IFNGR1: variants seen among roughly 807,000 people sequenced by gnomAD.
IFNGR1 encodes the protein AVP, type 2.
In IFNGR1, 23 loss-of-function variants were observed where a neutral mutation model predicts 35.4. The observed-to-expected ratio is 0.65, with a 90% confidence interval of 0.47 to 0.92. The LOEUF is 0.92. IFNGR1 is among the 40% of genes least tolerant of loss of function. IFNGR1 has a pLI of 0.00. For synonymous variants in IFNGR1, 199 were observed against 209.5 expected, an observed-to-expected ratio of 0.95 and a Z score of 0.43; for missense variants, 533 against 583.4, an observed-to-expected ratio of 0.91 and a Z score of 0.89.
chr6:137,206,078 G>A (rs957890107), intron 3 of IFNGR1, 58 bp downstream of exon 3: 7 of 1,352,002 alleles, frequency 5.2e-6, no homozygotes, highest in Non-Finnish European at 6.4e-6. Context: ...CAAACATACA[G>A]AAGACATGTA....
intron 1 of IFNGR1, among the ~76,000 whole-genome samples, chr6:137,209,499 G>A (rs1438411023): frequency 6.6e-6 from 1 of 152,088 alleles, no homozygotes; most frequent in Non-Finnish European, 1.5e-5. Context: ...TGCTAGTCTC[G>A]TGATAGTGAG....
chr6:137,206,010 A>G (rs1779419312), intron 3 of IFNGR1, 126 bp downstream of exon 3: 1 of 809,798 alleles, frequency 1.2e-6, no homozygotes. Context: ...TACTGACTCT[A>G]AATTCCTCCA....
Position 137,203,573 on chromosome 6 carries a change from A to C in IFNGR1, c.659T>G (p.Val220Gly), listed in dbSNP as rs1321751061. The change falls in exon 5 of 7, where the codon GTC becomes GGC. Residue 220 changes from valine (V) to glycine (G), a missense_variant. Physicochemically the swap from Val to Gly is moderately radical, Grantham distance 109 (BLOSUM62 -3). Coordinates refer to ENST00000367739, the MANE Select transcript of IFNGR1 (RefSeq NM_000416.3). The part of the protein sequence containing the change: ...NSQYCVSAEG[V>G]LHVWGVTTEK... ...AGTTGTAACACCCCACACATGTAAG[A>C]CTCCTTCTGCTGAAACACAGTACTG... The C allele has an allele frequency of 6.2e-6, 10 of 1,613,364 alleles. No individual in the cohort carries two copies. In the East Asian group the frequency reaches 2.2e-4, roughly 36 times the overall value.
chr6:137,219,203 C>T (rs1383566781), intron 1 of IFNGR1, 40 bp downstream of exon 1: 1 of 1,574,830 alleles, frequency 6.3e-7, no homozygotes, highest in East Asian at 2.3e-5. Context: ...CCCTCCCTCT[C>T]GTCCCGACCC....
intron 1 of IFNGR1, chr6:137,218,589 T>TCCCCCCCCC (rs201457622): frequency 1.7e-6 from 1 of 576,010 alleles, no homozygotes; most frequent in Admixed American, 4.6e-5. Flanking sequence ...GCACTTTGAG[T>TCCCCCCCCC]CCCCCCCCCC....
Position 137,207,039 on chromosome 6 carries a change from T to C in IFNGR1, c.124A>G (p.Met42Val). The change falls in exon 2 of 7, where the codon ATG becomes GTG. Residue 42 changes from methionine to valine, a missense_variant. By Grantham distance (21) the Met-to-Val change is conservative. Coordinates refer to ENST00000367739, the MANE Select transcript of IFNGR1 (RefSeq NM_000416.3). ...PTNVTIESYN[M>V]NPIVYWEYQI... is the part of the protein sequence containing the mutation. Reference sequence around the variant, plus strand: ...TACTCCCAATATACGATAGGGTTCATGTTATAGGATTCAATTGTAACATTA... The same window carrying C: ...TACTCCCAATATACGATAGGGTTCACGTTATAGGATTCAATTGTAACATTA... The C allele has an allele frequency of 6.2e-7, 1 of 1,614,020 alleles. No individual in the cohort carries two copies. The highest frequency in any genetic ancestry group is 1.1e-5 in the South Asian group (1 of 91,078).
intron 1 of IFNGR1, chr6:137,218,514 C>T: frequency 1.6e-6 from 2 of 1,289,194 alleles, no homozygotes; most frequent in Non-Finnish European, 1.0e-6. Context: ...AGACGGACTG[C>T]CACTTACTTC....
At chr6:137,201,857 A>G (rs776799797) in intron 5 of IFNGR1, among the ~76,000 whole-genome samples, 1 of 152,250 alleles carries the variant, frequency 6.6e-6, no homozygotes, top group African/African-American at 2.4e-5. Context: ...CCCCTTAGTT[A>G]TAAACCAGAC....
chr6:137,205,103 T>C (rs2114482851), intron 3 of IFNGR1, among the ~76,000 whole-genome samples: 1 of 152,308 alleles, frequency 6.6e-6, no homozygotes, highest in Admixed American at 6.5e-5. Context: ...TTCCGGCACG[T>C]AGTAGGCCCT....
intron 1 of IFNGR1, chr6:137,218,370 C>T (rs1310559943): frequency 1.5e-5 from 10 of 656,334 alleles, no homozygotes; most frequent in Non-Finnish European, 2.0e-5. Context: ...AAGCCACCCT[C>T]AACATTTGTT....
chr6:137,206,911 A>T, intron 2 of IFNGR1, 52 bp downstream of exon 2: 1 of 1,391,564 alleles, frequency 7.2e-7, no homozygotes, highest in Non-Finnish European at 1.0e-6. Context: ...GGAATTTCCA[A>T]GGACCTAAAC....
chr6:137,198,827 T>TA (rs1779166868), intron 6 of IFNGR1, among the ~76,000 whole-genome samples, 188 bp from the exon 7 acceptor site: 2 of 152,196 alleles, frequency 1.3e-5, no homozygotes, highest in African/African-American at 4.8e-5. Context: ...TTAGAATTTT[T>TA]AAAAAGCCAT....
Position 137,206,969 on chromosome 6 carries a change from T to C in IFNGR1, c.194A>G (p.Asn65Ser). 14 of 1,601,824 alleles carry C rather than the reference T, an allele frequency of 8.7e-6. No homozygotes were observed. Among genetic ancestry groups the C allele is most frequent in the Non-Finnish European group, 1.2e-5 (14 of 1,168,838 alleles). ...QVPVFTVEVKNYGVKNSEWID... is the reference protein window; with the variant it reads ...QVPVFTVEVKSYGVKNSEWID... Reference sequence around the variant, plus strand: ...ATAAAAGAGTGACACTCACCCATAGTTCTTTACCTCTACGGTAAAAACAGG... The same window carrying C: ...ATAAAAGAGTGACACTCACCCATAGCTCTTTACCTCTACGGTAAAAACAGG... The change falls in exon 2 of 7, where the codon AAC (asparagine) becomes AGC (serine). Residue 65 changes from asparagine to serine, a missense_variant. Coordinates refer to ENST00000367739, the MANE Select transcript of IFNGR1 (RefSeq NM_000416.3).
intron 6 of IFNGR1, 136 bp from the exon 7 acceptor site, chr6:137,198,775 C>T (rs1779164731): frequency 2.9e-6 from 2 of 685,824 alleles, no homozygotes; most frequent in Admixed American, 2.7e-5. Context: ...GTTGCCATTT[C>T]TTTTTAATGA....
In IFNGR1 at chr6:137,219,269, C is replaced by A; in HGVS notation, c.59G>T (p.Gly20Val). Residue 20 changes from glycine (G) to valine (V), a missense_variant, in exon 1 of 7, where the codon GGC becomes GTC. Coordinates refer to ENST00000367739, the MANE Select transcript of IFNGR1 (RefSeq NM_000416.3). The part of the protein sequence containing the change: ...VMQGVSRAEM[G>V]TADLGPSSVP... ...TGAGGACGGCCCCAGATCCGCGGTG[C>A]CCATCTCAGCCCTGCTCACACCCTG... is the stretch of plus-strand genomic sequence containing the variant. The A allele has an allele frequency of 6.2e-7, 1 of 1,611,708 alleles. No individual in the cohort carries two copies. The highest frequency in any genetic ancestry group is 8.5e-7 in the Non-Finnish European group (1 of 1,179,190).
chr6:137,200,550 C>G (rs1779252617), intron 6 of IFNGR1, among the ~76,000 whole-genome samples: 1 of 152,186 alleles, frequency 6.6e-6, no homozygotes. Context: ...CACCCCAAAG[C>G]TGGACAAAGT....
intron 1 of IFNGR1, chr6:137,215,354 A>G (rs1380376315): frequency 6.5e-7 from 1 of 1,538,262 alleles, no homozygotes; most frequent in Non-Finnish European, 8.8e-7. Flanking sequence ...ATTTTATTAC[A>G]TTATCACAAT....
At chr6:137,203,750 A>G in intron 4 of IFNGR1, 65 bp from the exon 5 acceptor site, 1 of 1,148,038 alleles carries the variant, frequency 8.7e-7, no homozygotes, top group Non-Finnish European at 1.3e-6. Flanking sequence ...AAAAAAAATC[A>G]CCATATTAGT....
intron 1 of IFNGR1, 35 bp downstream of exon 1, chr6:137,219,208 C>G (rs1382714020): frequency 2.5e-6 from 4 of 1,581,696 alleles, no homozygotes; most frequent in Non-Finnish European, 3.4e-6. Flanking sequence ...CCTCTCGTCC[C>G]GACCCGGCCG....
Sources: allele counts gnomAD v4.1 joint callset (sites outside exome capture counted in the v4.1 genomes callset), GRCh38; gene constraint gnomAD v4.1.1; transcripts MANE v1.5; gene names NCBI Gene and HGNC (gene_info 2026-07-23, HGNC 2026-07-21).